Variants in SOX5 observed in about 807,000 individuals in gnomAD.
The protein encoded by SOX5 is transcription factor SOX-5.
In SOX5, 9 loss-of-function variants were observed where a neutral mutation model predicts 92.0. The observed-to-expected ratio is 0.10, with a 90% CI of 0.06 to 0.17. The LOEUF is 0.17. Ranked by LOEUF, SOX5 falls within the 10% of genes least tolerant of loss-of-function variation. SOX5 has a pLI of 1.00. For missense variants in SOX5, 642 were observed against 944.5 expected (o/e 0.68, Z 4.20); for synonymous variants, 344 against 336.3 (o/e 1.02, Z -0.25).
intron 1 of SOX5, among the ~76,000 whole-genome samples, chr12:24,423,189 C>A (rs1206298402): frequency 6.6e-6 from 1 of 152,184 alleles, no homozygotes; most frequent in South Asian, 2.1e-4. Flanking sequence ...ACTGTGCAAT[C>A]ACCTCACTGA....
chr12:23,634,588 G>A (rs973766557), intron 8 of SOX5, among the ~76,000 whole-genome samples: 1 of 152,132 alleles, frequency 6.6e-6, no homozygotes, highest in Admixed American at 6.6e-5. Context: ...GTGATGTGGA[G>A]CAAAACAGTT....
chr12:23,932,849 G>A (rs904225115), intron 1 of SOX5, among the ~76,000 whole-genome samples: 1 of 151,604 alleles, frequency 6.6e-6, no homozygotes, highest in East Asian at 1.9e-4. Context: ...ATAAACAGAA[G>A]TTCTAGAATA....
At chr12:23,853,967 T>C (rs1189291273) in intron 2 of SOX5, among the ~76,000 whole-genome samples, 1 of 152,168 alleles carries the variant, frequency 6.6e-6, no homozygotes, top group Non-Finnish European at 1.5e-5. Context: ...GTATTGTAAC[T>C]AGCCACTGAT....
chr12:24,377,691 G>T (rs1957425688), intron 1 of SOX5, among the ~76,000 whole-genome samples: 1 of 152,154 alleles, frequency 6.6e-6, no homozygotes, highest in African/African-American at 2.4e-5. Context: ...AAAGACAACA[G>T]GAATTCCTGT....
At chr12:24,493,767 G>T (rs1237793849) in intron 1 of SOX5, among the ~76,000 whole-genome samples, 1 of 152,066 alleles carries the variant, frequency 6.6e-6, no homozygotes, top group African/African-American at 2.4e-5. Flanking sequence ...GGGAGGCTGA[G>T]GCAGGAGAAT....
chr12:24,424,059 T>G (rs1025664906), intron 1 of SOX5, among the ~76,000 whole-genome samples: 1 of 152,126 alleles, frequency 6.6e-6, no homozygotes, highest in Non-Finnish European at 1.5e-5. Context: ...TCAAAGAATA[T>G]AAAATCACCA....
chr12:23,590,744 A>C lies in SOX5; in HGVS notation c.1164+13643T>G, dbSNP rs536183950. Among the ~76,000 whole-genome samples the C allele has an allele frequency of 1.2e-4, 19 of 152,186 alleles. No individual in the cohort carries two copies. In the East Asian group the frequency reaches 3.3e-3, roughly 26 times the overall value. On this transcript the variant is annotated intron_variant, in intron 9 of 14. Transcript: ENST00000451604. ...AGGTTTACTGAAGAATCCTCTATAG[A>C]AGTTGTTTTGACATCTTCTAAAAGT...
intron 3 of SOX5, among the ~76,000 whole-genome samples, chr12:23,801,254 A>C (rs1290933275): frequency 6.6e-6 from 1 of 152,202 alleles, no homozygotes; most frequent in East Asian, 1.9e-4. Flanking sequence ...GTCTATAAGA[A>C]GACAGGGTGA....
chr12:24,168,633 T>C (rs1055191724), intron 4 of SOX5, among the ~76,000 whole-genome samples: 1 of 152,130 alleles, frequency 6.6e-6, no homozygotes, highest in African/African-American at 2.4e-5. Flanking sequence ...CAAGAAAAAT[T>C]AGCTTCACAG....
chr12:24,226,620 G>A (rs1228438117), intron 3 of SOX5, among the ~76,000 whole-genome samples: 7 of 152,072 alleles, frequency 4.6e-5, no homozygotes, highest in African/African-American at 1.2e-4. Context: ...ACACGCACCC[G>A]CCACCACGCC....
At chr12:24,029,009 C>T (rs544480021) in intron 4 of SOX5, among the ~76,000 whole-genome samples, 3 of 151,968 alleles carry the variant, frequency 2.0e-5, no homozygotes, top group African/African-American at 2.4e-5. Flanking sequence ...CATAACCAAA[C>T]CAATTACATT....
intron 1 of SOX5, among the ~76,000 whole-genome samples, chr12:24,538,336 T>TA (rs774146100): frequency 2.0e-5 from 3 of 151,932 alleles, no homozygotes; most frequent in Non-Finnish European, 2.9e-5. Context: ...ATGAGACTCT[T>TA]AAAAAAAAGT....
rs74068035 is a variant in SOX5 at position 24,013,879 on chromosome 12, C to A, written c.-1-117855G>T. On this transcript the variant is annotated intron_variant, in intron 4 of 4. Transcript: ENST00000446891. ...TTCACATGAGATGCCCCATTTGGAGCTGCCCAAAGGGTATTGTGGAAATAA... is the reference window on the plus strand; with the variant it reads ...TTCACATGAGATGCCCCATTTGGAGATGCCCAAAGGGTATTGTGGAAATAA... Among the ~76,000 whole-genome samples, 1,194 of 152,266 alleles carry A rather than the reference C, an allele frequency of 7.8e-3. 17 individuals are homozygous for A. The highest frequency in any genetic ancestry group is 0.028 in the African/African-American group (1,157 of 41,542).
intron 2 of SOX5, among the ~76,000 whole-genome samples, chr12:24,303,292 C>T (rs1462917485): frequency 1.3e-5 from 2 of 152,066 alleles, no homozygotes; most frequent in South Asian, 2.1e-4. Context: ...TTCTCCTACC[C>T]AAAAGTTAAT....
intron 1 of SOX5, among the ~76,000 whole-genome samples, chr12:24,494,518 G>T (rs1443346361): frequency 6.6e-6 from 1 of 152,116 alleles, no homozygotes; most frequent in Non-Finnish European, 1.5e-5. Context: ...ATATGGAAAG[G>T]TTACAAAACT....
chr12:24,440,594 TTGTGTG>T (rs56082162), intron 1 of SOX5, among the ~76,000 whole-genome samples: 34,198 of 139,442 alleles, frequency 0.25, 4,245 homozygotes, highest in Non-Finnish European at 0.29. Context: ...ACATGATCCT[TTGTGTG>T]TGTGTGTGTG....
intron 6 of SOX5, among the ~76,000 whole-genome samples, chr12:23,727,369 G>C (rs1255050309): frequency 6.6e-6 from 1 of 152,080 alleles, no homozygotes; most frequent in South Asian, 2.1e-4. Context: ...AGGTCAGAGG[G>C]CTAGAAAGCA....
chr12:23,691,627 T>C (rs193278467), intron 6 of SOX5, among the ~76,000 whole-genome samples: 1 of 152,334 alleles, frequency 6.6e-6, no homozygotes, highest in Admixed American at 6.5e-5. Flanking sequence ...TTCCTAATAA[T>C]TTGTCTACTT....
chr12:24,254,424 A>C (rs1212827771), intron 3 of SOX5, among the ~76,000 whole-genome samples: 1 of 151,876 alleles, frequency 6.6e-6, no homozygotes, highest in African/African-American at 2.4e-5. Flanking sequence ...AATACATCTA[A>C]TCTACCAAAC....
Sources: allele counts gnomAD v4.1 joint callset (sites outside exome capture counted in the v4.1 genomes callset), GRCh38; gene constraint gnomAD v4.1.1; transcripts MANE v1.5; gene names NCBI Gene and HGNC (gene_info 2026-07-23, HGNC 2026-07-21).